The following RNF214 variants were observed in gnomAD, a reference collection of about 807,000 sequenced individuals.
RNF214 encodes ring finger protein 214.
RNF214 carries 25 observed loss-of-function variants against 75.9 expected under a neutral mutation model. The ratio of observed to expected loss-of-function variants is 0.33; its 90% confidence interval spans 0.24 to 0.46. RNF214 has a LOEUF of 0.46. RNF214 is among the 20% of genes least tolerant of loss of function. The pLI, the probability that RNF214 is intolerant of heterozygous loss-of-function variation, is 1.00. For missense variants in RNF214, 725 were observed against 857.5 expected, an observed-to-expected ratio of 0.85 and a Z score of 1.93; for synonymous variants, 314 against 308.8, an observed-to-expected ratio of 1.02 and a Z score of -0.18.
chr11:117,241,599 C>A (rs886869782), intron 4 of RNF214, among the ~76,000 whole-genome samples: 1 of 148,470 alleles, frequency 6.7e-6, no homozygotes, highest in African/African-American at 2.5e-5. Flanking sequence ...AAAAAAAGTT[C>A]TTATTGTAGC....
intron 6 of RNF214, among the ~76,000 whole-genome samples, chr11:117,260,583 G>C (rs933927632): frequency 6.6e-6 from 1 of 151,200 alleles, no homozygotes; most frequent in Non-Finnish European, 1.5e-5. Context: ...CAAATCACTT[G>C]AAATCAAGAG....
intron 11 of RNF214, 61 bp downstream of exon 11, chr11:117,282,331 CAG>C (rs2034145510): frequency 1.3e-6 from 2 of 1,590,580 alleles, no homozygotes; most frequent in South Asian, 1.1e-5. Flanking sequence ...TGGGTTAAAA[CAG>C]AGGAGGTTAC....
intron 13 of RNF214, 91 bp from the exon 14 acceptor site, chr11:117,283,024 T>C (rs1004880281): frequency 8.4e-6 from 9 of 1,068,424 alleles, no homozygotes; most frequent in African/African-American, 6.4e-5. Flanking sequence ...TCTTTTGATA[T>C]AAATCTTTTT....
chr11:117,284,935 AAG>A, intron 14 of RNF214, 149 bp from the exon 15 acceptor site: 1 of 602,490 alleles, frequency 1.7e-6, no homozygotes, highest in African/African-American at 1.9e-5. Context: ...GTCTCAAAAA[AAG>A]AAAAAAGAAC....
chr11:117,281,899 C>A lies in RNF214; in HGVS notation c.1341C>A (p.Asp447Glu), dbSNP rs2034135213. ...PTLPPPPSET[D>E]FMLQVFQPSP... is the part of the protein sequence containing the mutation. The stretch of plus-strand genomic sequence containing the variant: ...CTACCTCTTCTCCTCTGCAGACAGA[C>A]TTCATGCTTCAGGTGTTTCAACCCA... Residue 447 changes from aspartate to glutamate, a missense_variant, in exon 11 of 15, where the codon GAC (aspartate) becomes GAA (glutamate). Around this residue, in one of 2 missense-constraint regions of RNF214, gnomAD observed 363 missense variants for 513.0 expected, o/e 0.71. Transcript: ENST00000300650. The A allele has an allele frequency of 2.5e-6, 4 of 1,613,032 alleles. No individual in the cohort carries two copies. The highest frequency in any genetic ancestry group is 3.4e-6 in the Non-Finnish European group (4 of 1,179,314).
intron 6 of RNF214, among the ~76,000 whole-genome samples, chr11:117,250,245 C>T (rs1291419775): frequency 6.6e-6 from 1 of 152,040 alleles, no homozygotes; most frequent in African/African-American, 2.4e-5. Flanking sequence ...AAGATAACCA[C>T]CAAATGAAAT....
chr11:117,283,240 A>G (rs2034166030), intron 14 of RNF214, 30 bp downstream of exon 14: 1 of 1,416,154 alleles, frequency 7.1e-7, no homozygotes, highest in South Asian at 1.2e-5. Context: ...CTCATTTTCT[A>G]CACTTTTTCT....
rs766539493 is a variant in RNF214 at position 117,238,891 on chromosome 11, G to A, written c.398G>A (p.Arg133Gln). 74 of 1,614,028 alleles carry A rather than the reference G, an allele frequency of 4.6e-5. No homozygotes were observed. Among genetic ancestry groups the A allele is most frequent in the African/African-American group, 9.3e-5 (7 of 74,896 alleles). The change falls in exon 3 of 15, where the codon CGG (arginine) becomes CAG (glutamine). Residue 133 changes from arginine (R) to glutamine (Q), a missense_variant. Physicochemically the swap from Arg to Gln is conservative, Grantham distance 43. Around this residue, in one of 2 missense-constraint regions of RNF214, gnomAD observed 362 missense variants for 344.5 expected, o/e 1.05. Transcript: ENST00000300650. ...CGGGAGAGCCTCCATCCAGTCACTC[G>A]GTCTCTTAAGGCAGGGTGCCATACT... ...SLRESLHPVT[R>Q]SLKAGCHTKQ...
At chr11:117,237,380 C>T (rs1037664026) in intron 2 of RNF214, among the ~76,000 whole-genome samples, 13 of 152,168 alleles carry the variant, frequency 8.5e-5, no homozygotes, top group African/African-American at 1.7e-4. Context: ...TGCTCCCCAG[C>T]GAGATATTCT....
chr11:117,274,761 G>A (rs148447774), intron 6 of RNF214, among the ~76,000 whole-genome samples: 1,725 of 148,190 alleles, frequency 0.012, 37 homozygotes, highest in African/African-American at 0.039. Context: ...TGCAACCTCC[G>A]CTTCCCGGGT....
At position 117,234,135 on chromosome 11, in the gene RNF214, T is replaced by C. The variant is rs188337501; in HGVS notation, c.-6-132T>C. The C allele has an allele frequency of 1.6e-5, 11 of 674,084 alleles. No individual in the cohort carries two copies. The Admixed American group carries it at 2.9e-4, about 18-fold the overall frequency. 41.8% of individuals were successfully genotyped at this position (674,084 alleles called of 1,614,324 possible). On this transcript the variant is annotated intron_variant, in intron 1 of 14. Transcript: ENST00000300650. ...GTCTCTTTTAGTACTCTTAAGTATTTTCTCCCGGAGCCCAGGTTTTTGTGT... is the reference window on the plus strand; with the variant it reads ...GTCTCTTTTAGTACTCTTAAGTATTCTCTCCCGGAGCCCAGGTTTTTGTGT...
Position 117,258,795 on chromosome 11 carries a change from A to G in RNF214, c.959+11847A>G, listed in dbSNP as rs138062242. On this transcript the variant is annotated intron_variant, in intron 6 of 14. Coordinates refer to ENST00000300650, the MANE Select transcript of RNF214 (RefSeq NM_207343.4). ...TGCCCCCACTCTCCCCAAACCAACC[A>G]TTGTTGTGGTTTTTTACCATAGTTT... Among the ~76,000 whole-genome samples the G allele has an allele frequency of 2.2e-3, 333 of 152,072 alleles. 2 individuals are homozygous for G. The highest frequency in any genetic ancestry group is 7.5e-3 in the African/African-American group (310 of 41,496).
chr11:117,254,196 C>G (rs2033466758), intron 6 of RNF214, among the ~76,000 whole-genome samples: 1 of 151,996 alleles, frequency 6.6e-6, no homozygotes, highest in South Asian at 2.1e-4. Context: ...TTGCAGTGAG[C>G]TGAGATCGCG....
At position 117,238,976 on chromosome 11, in the gene RNF214, G is replaced by A. The variant is rs2032994105; in HGVS notation, c.483G>A (p.Lys161=). 6.2e-7 allele frequency: 1 copy of A among 1,614,172 alleles called. No homozygotes were observed. The highest frequency in any genetic ancestry group is 1.3e-5 in the African/African-American group (1 of 75,048). ...EEKSPQTSIL[K]EGNRDTSLDF... ...AATCCCCACAAACCTCCATCCTAAA[G>A]GAAGGTAACAGGGACACAAGCTTGG... The change falls in exon 3 of 15, where the codon AAG becomes AAA. Residue 161 remains lysine (K), a synonymous_variant. Transcript: ENST00000300650.
Position 117,234,172 on chromosome 11 carries a change from G to T in RNF214, c.-6-95G>T. The T allele has an allele frequency of 6.9e-6, 6 of 864,536 alleles. No individual in the cohort carries two copies. The South Asian group carries it at 7.8e-5, about 11-fold the overall frequency. 53.6% of individuals were successfully genotyped at this position (864,536 alleles called of 1,614,324 possible). Reference sequence around the variant, plus strand: ...CCAGGTTTTTGTGTTTCTTTACTGCGACAGCTCTGTTGTGTGGACATTCTG... The same window carrying T: ...CCAGGTTTTTGTGTTTCTTTACTGCTACAGCTCTGTTGTGTGGACATTCTG... On this transcript the variant is annotated intron_variant, in intron 1 of 14. Transcript: ENST00000300650.
rs200460914 is a variant in RNF214 at position 117,270,036 on chromosome 11, G to GTGA, written c.960-9871_960-9869dup. 5.7e-3 allele frequency among the ~76,000 whole-genome samples: 867 copies of GTGA among 150,860 alleles called. 9 individuals carry two copies. The highest frequency in any genetic ancestry group is 8.9e-3 in the Non-Finnish European group (606 of 67,982). On this transcript the variant is annotated intron_variant, in intron 6 of 14. Transcript: ENST00000300650. Reference sequence around the variant, plus strand: ...GTAGTGAATCTTTCATTGTTGTTTGGTGAGATTCCTAGGTGGGGGATCTTA... The same window carrying GTGA: ...GTAGTGAATCTTTCATTGTTGTTTGGTGATGAGATTCCTAGGTGGGGGATCTTA...
At chr11:117,258,748 T>C (rs989831377) in intron 6 of RNF214, among the ~76,000 whole-genome samples, 2 of 152,154 alleles carry the variant, frequency 1.3e-5, no homozygotes, top group Non-Finnish European at 2.9e-5. Context: ...AAGTTCACTC[T>C]TGTGCCTTCT....
chr11:117,270,566 A>AC (rs1283795339), intron 6 of RNF214, among the ~76,000 whole-genome samples: 64 of 89,902 alleles, frequency 7.1e-4, no homozygotes, highest in South Asian at 2.0e-3. Flanking sequence ...CCACTCCCCC[A>AC]CCCCCCCGGT....
intron 4 of RNF214, among the ~76,000 whole-genome samples, chr11:117,243,261 C>T (rs1184970260): frequency 6.6e-6 from 1 of 152,350 alleles, no homozygotes; most frequent in African/African-American, 2.4e-5. Context: ...ATTCTCCTGC[C>T]TCAGCCTCCC....
Sources: allele counts gnomAD v4.1 joint callset (sites outside exome capture counted in the v4.1 genomes callset), GRCh38; gene constraint gnomAD v4.1.1; regional missense constraint gnomAD v4.1.1; transcripts MANE v1.5; gene names NCBI Gene and HGNC (gene_info 2026-07-23, HGNC 2026-07-21).